The following SP3 variants were observed in gnomAD, a reference collection of about 807,000 sequenced individuals.
The protein encoded by SP3 is transcription factor Sp3.
In SP3, 10 loss-of-function variants were observed where a neutral mutation model predicts 70.3. The observed-to-expected ratio is 0.14, with a 90% CI of 0.09 to 0.24. SP3 has a LOEUF of 0.24. Ranked by LOEUF, SP3 falls within the 10% of genes least tolerant of loss-of-function variation. The pLI is 1.00. For missense variants in SP3, 825 were observed against 914.6 expected (o/e 0.90, Z 1.26); for synonymous variants, 402 against 333.5 (o/e 1.21, Z -2.24).
intron 4 of SP3, among the ~76,000 whole-genome samples, chr2:173,939,944 C>T (rs1690318641): frequency 6.6e-6 from 1 of 152,046 alleles, no homozygotes. Flanking sequence ...TCAATCATAA[C>T]TCACTGTAGG....
chr2:173,954,152 T>C (rs1209585812), intron 4 of SP3, among the ~76,000 whole-genome samples: 1 of 152,240 alleles, frequency 6.6e-6, no homozygotes, highest in Non-Finnish European at 1.5e-5. Context: ...TTCAATCAAA[T>C]GTTATCTAGA....
At position 173,909,761 on chromosome 2, in the gene SP3, C is replaced by T; in HGVS notation, c.*180G>A. The T allele has an allele frequency of 4.1e-6, 2 of 483,238 alleles. No homozygotes were observed. The highest frequency in any genetic ancestry group is 3.1e-5 in the South Asian group (1 of 32,648). 29.9% of individuals were successfully genotyped at this position (483,238 alleles called of 1,614,324 possible). On this transcript the variant is annotated 3_prime_UTR_variant, in exon 7 of 7. Transcript: ENST00000310015. ...ACCTACAAAACCCATGCAATTTTAC[C>T]ATTTTTAATATACTATGGAATATCA...
Position 173,956,147 on chromosome 2 carries a change from T to G in SP3, c.365A>C (p.Glu122Ala). 1 of 1,614,178 alleles carries G rather than the reference T, an allele frequency of 6.2e-7. No homozygotes were observed. The highest frequency in any genetic ancestry group is 8.5e-7 in the Non-Finnish European group (1 of 1,180,020). ...LSATPTTIKD[E>A]AGNLVQIPSA... ...TGGAATCTGGACTAGATTACCAGCT[T>G]CATCTTTTATAGTTGTAGGTGTGGC... The change falls in exon 4 of 7, where the codon GAA (glutamate) becomes GCA (alanine). Residue 122 changes from glutamate to alanine, a missense_variant. Glu to Ala is a moderately radical substitution (Grantham distance 107). Transcript: ENST00000310015.
In SP3 at chr2:173,904,052, T is replaced by C. The variant is rs568232213; in HGVS notation, c.*5889A>G. ...TGCTCTACCTCAGATCATCAGACAT[T>C]AGATTCTCTTAAGGAGGGCACTACC... On this transcript the variant is annotated 3_prime_UTR_variant, in exon 7 of 7. Coordinates refer to ENST00000310015, the MANE Select transcript of SP3 (RefSeq NM_003111.5). Among the ~76,000 whole-genome samples, 2 of 152,186 alleles carry C rather than the reference T, an allele frequency of 1.3e-5. No homozygotes were observed. The highest frequency in any genetic ancestry group is 2.1e-4 in the South Asian group (1 of 4,822).
In SP3 at chr2:173,918,691, T is replaced by C. The variant is rs1310452253; in HGVS notation, c.1734A>G (p.Val578=). ...LNTNDLTHLR[V]QVVDEEGDQQ... is the part of the protein sequence containing the mutation. The stretch of plus-strand genomic sequence containing the variant: ...GGTCCCCTTCTTCATCTACCACCTG[T>C]ACTCTTAAGTGTGTTAGGTCATTGG... The change falls in exon 5 of 7, where the codon GTA becomes GTG. Residue 578 remains valine (V), a synonymous_variant. Transcript: ENST00000310015. 2 of 1,613,824 alleles carry C rather than the reference T, an allele frequency of 1.2e-6. No homozygotes were observed. Among genetic ancestry groups the C allele is most frequent in the African/African-American group, 2.7e-5 (2 of 74,920 alleles).
At chr2:173,924,064 G>T (rs1054871713) in intron 4 of SP3, among the ~76,000 whole-genome samples, 1 of 151,872 alleles carries the variant, frequency 6.6e-6, no homozygotes, top group African/African-American at 2.4e-5. Context: ...AAAACTAAAT[G>T]TTATCCCCTT....
rs1689381754 is a variant in SP3 at position 173,908,194 on chromosome 2, G to C, written c.*1747C>G. 6.6e-6 allele frequency: 1 copy of C among 151,952 alleles called. No homozygotes were observed. The highest frequency in any genetic ancestry group is 1.5e-5 in the Non-Finnish European group (1 of 67,932). 9.4% of individuals were successfully genotyped at this position (151,952 alleles called of 1,614,324 possible). A position where few individuals can be genotyped will look rare whatever the true frequency, so the allele number is the denominator to read the frequency against. ...TTTCAGGAGTCTTAATGTAAATTCA[G>C]GTTTTCGATAAATCAAAATATTCTG... On this transcript the variant is annotated 3_prime_UTR_variant, in exon 7 of 7. Coordinates refer to ENST00000310015, the MANE Select transcript of SP3 (RefSeq NM_003111.5).
At chr2:173,960,803 C>T (rs893160632) in intron 3 of SP3, among the ~76,000 whole-genome samples, 36 of 149,760 alleles carry the variant, frequency 2.4e-4, no homozygotes, top group African/African-American at 7.1e-4. Context: ...ACCCTGTCTC[C>T]ACTAAAAATA....
chr2:173,939,203 C>A (rs182512092), intron 4 of SP3, among the ~76,000 whole-genome samples: 1 of 152,200 alleles, frequency 6.6e-6, no homozygotes, highest in East Asian at 1.9e-4. Context: ...TCTGTAGACT[C>A]AACAGACCTC....
At chr2:173,910,352 G>T in intron 6 of SP3, 95 bp from the exon 7 acceptor site, 2 of 961,436 alleles carry the variant, frequency 2.1e-6, no homozygotes, top group Non-Finnish European at 3.2e-6. Flanking sequence ...AACGCTGACA[G>T]GTGAGGATGG....
At position 173,911,813 on chromosome 2, in the gene SP3, C is replaced by CTTTTT. The variant is rs11448837; in HGVS notation, c.2029+1252_2029+1256dup. The stretch of plus-strand genomic sequence containing the variant: ...CTGCAACGCAAAATCTTTTATCTAC[C>CTTTTT]TTTTTTTTTTTTTTTTTTTTTTTGA... On this transcript the variant is annotated intron_variant, in intron 6 of 6. Transcript: ENST00000310015. 2.7e-3 allele frequency among the ~76,000 whole-genome samples: 262 copies of CTTTTT among 98,002 alleles called. 4 individuals are homozygous for CTTTTT. The highest frequency in any genetic ancestry group is 3.2e-3 in the Non-Finnish European group (168 of 52,078). 64.3% of individuals were successfully genotyped at this position (98,002 alleles called of 152,430 possible). A position where few individuals can be genotyped will look rare whatever the true frequency, so the allele number is the denominator to read the frequency against.
chr2:173,964,158 C>G (rs1253496318), intron 2 of SP3: 1 of 390,698 alleles, frequency 2.6e-6, no homozygotes, highest in Admixed American at 4.6e-5. Context: ...GGAACCCACC[C>G]CCGGGAGGGC....
chr2:173,964,902 C>T (rs1691243029), intron 1 of SP3: 2 of 512,882 alleles, frequency 3.9e-6, no homozygotes, highest in African/African-American at 2.1e-5. Flanking sequence ...CCGCCCGCGC[C>T]CGCACACAGG....
chr2:173,965,058 G>T, intron 1 of SP3, 107 bp downstream of exon 1: 1 of 1,434,188 alleles, frequency 7.0e-7, no homozygotes. Flanking sequence ...CAGACACTCG[G>T]TCGCACACAC....
rs4972618 is a variant in SP3, at chr2:173,904,616, C to T, written c.*5325G>A. Reference sequence around the variant, plus strand: ...CCTCCCATGTATGTTCCAGATGTGACCTCCCAAGACATCAGTTTTCCAATT... The same window carrying T: ...CCTCCCATGTATGTTCCAGATGTGATCTCCCAAGACATCAGTTTTCCAATT... On this transcript the variant is annotated 3_prime_UTR_variant, in exon 7 of 7. Transcript: ENST00000310015. Among the ~76,000 whole-genome samples, 73,540 of 152,044 alleles carry T rather than the reference C, an allele frequency of 0.48. 18,346 individuals carry two copies. The highest frequency in any genetic ancestry group is 0.61 in the African/African-American group (25,274 of 41,448).
chr2:173,943,180 C>T (rs1252869073), intron 4 of SP3, among the ~76,000 whole-genome samples: 1 of 152,156 alleles, frequency 6.6e-6, no homozygotes, highest in African/African-American at 2.4e-5. Flanking sequence ...TATCAGTTCC[C>T]TATTTAAAAC....
intron 2 of SP3, 60 bp from the exon 3 acceptor site, chr2:173,963,943 G>A: frequency 8.0e-7 from 1 of 1,246,062 alleles, no homozygotes; most frequent in Non-Finnish European, 1.1e-6. Context: ...GGTTAGGGTC[G>A]GGCCGCCTTT....
In SP3 at chr2:173,952,468, C is replaced by T. The variant is rs147301770; in HGVS notation, c.1639+2405G>A. Among the ~76,000 whole-genome samples the T allele has an allele frequency of 5.4e-3, 828 of 152,230 alleles. 12 individuals carry two copies. Among genetic ancestry groups the T allele is most frequent in the Non-Finnish European group, 5.4e-3 (367 of 68,012 alleles). On this transcript the variant is annotated intron_variant, in intron 4 of 6. Transcript: ENST00000310015. ...GGCGCTAGAGAGAAATTGGGACTCT[C>T]AACACATTGCTGATGAGAATGTAAA...
intron 4 of SP3, among the ~76,000 whole-genome samples, chr2:173,929,187 C>T (rs750212119): frequency 6.6e-6 from 1 of 152,158 alleles, no homozygotes; most frequent in East Asian, 1.9e-4. Flanking sequence ...CTTCCACTCA[C>T]ATTTTACTGG....
Sources: allele counts gnomAD v4.1 joint callset (sites outside exome capture counted in the v4.1 genomes callset), GRCh38; gene constraint gnomAD v4.1.1; transcripts MANE v1.5; gene names NCBI Gene and HGNC (gene_info 2026-07-23, HGNC 2026-07-21).